C10orf53: variants seen among roughly 807,000 people sequenced by gnomAD.
C10orf53 encodes the protein chromosome 10 open reading frame 53.
Under a neutral mutation model 9.4 loss-of-function variants are expected in C10orf53, and 8 were observed. The ratio of observed to expected loss-of-function variants is 0.85; its 90% CI spans 0.50 to 1.53. C10orf53 has a LOEUF of 1.53. C10orf53 is among the 40% of genes most tolerant of loss of function. C10orf53 has a pLI of 0.00. For missense variants in C10orf53, 117 were observed against 117.8 expected (o/e 0.99, Z 0.03); for synonymous variants, 48 against 46.0 (o/e 1.04, Z -0.18).
chr10:49,681,418 C>T (rs1417255281), intron 1 of C10orf53, among the ~76,000 whole-genome samples: 1 of 152,110 alleles, frequency 6.6e-6, no homozygotes, highest in East Asian at 1.9e-4. Context: ...CAGGGAAAGC[C>T]TCCTGGAAGA....
chr10:49,681,812 G>A (rs1840481388), intron 1 of C10orf53, among the ~76,000 whole-genome samples: 2 of 152,154 alleles, frequency 1.3e-5, no homozygotes, highest in South Asian at 4.2e-4. Flanking sequence ...TATCAGATTG[G>A]GTCCTCATCC....
At chr10:49,686,864 T>C (rs1840534132) in intron 1 of C10orf53, among the ~76,000 whole-genome samples, 1 of 152,180 alleles carries the variant, frequency 6.6e-6, no homozygotes, top group African/African-American at 2.4e-5. Flanking sequence ...TTATTGCCCT[T>C]TGAAGCATGT....
At chr10:49,685,024 C>T (rs1192961528) in intron 1 of C10orf53, among the ~76,000 whole-genome samples, 3 of 152,156 alleles carry the variant, frequency 2.0e-5, no homozygotes, top group African/African-American at 7.2e-5. Flanking sequence ...AAGGGATTCT[C>T]CCCAAGACTG....
chr10:49,708,570 C>T (rs1840739583), exon 3 of C10orf53: 2 of 1,614,064 alleles, frequency 1.2e-6, no homozygotes, highest in African/African-American at 1.3e-5. Context: ...AGGCCTGGAT[C>T]ACATGCTCAT....
chr10:49,704,566 C>A (rs996136622), intron 2 of C10orf53, among the ~76,000 whole-genome samples: 1 of 152,036 alleles, frequency 6.6e-6, no homozygotes, highest in Non-Finnish European at 1.5e-5. Context: ...CATGGTGAAA[C>A]CCTGTCTCTA....
Position 49,679,792 on chromosome 10 carries a change from A to G in C10orf53, c.95A>G (p.Gln32Arg). ...EHHTFRLQGLQAVLAIDGHEV... is the reference protein window; with the variant it reads ...EHHTFRLQGLRAVLAIDGHEV... The stretch of plus-strand genomic sequence containing the variant: ...CACACCTTCCGCCTGCAGGGCCTGC[A>G]AGGTGGGCCTCCTCGCCGCGTGCGC... The change falls in exon 1 of 3, where the codon CAA becomes CGA. Residue 32 changes from glutamine (Q) to arginine (R), a missense_variant and splice_region_variant. Physicochemically the swap from Gln to Arg is conservative, Grantham distance 43. Transcript: ENST00000374111. 4 of 1,535,460 alleles carry G rather than the reference A, an allele frequency of 2.6e-6. No individual in the cohort carries two copies. The highest frequency in any genetic ancestry group is 3.5e-6 in the Non-Finnish European group (4 of 1,141,302).
At chr10:49,707,928 T>C (rs1332278664) in intron 2 of C10orf53, among the ~76,000 whole-genome samples, 1 of 152,194 alleles carries the variant, frequency 6.6e-6, no homozygotes, top group African/African-American at 2.4e-5. Flanking sequence ...TTAAAGTTTT[T>C]CTCAATTTGC....
intron 1 of C10orf53, among the ~76,000 whole-genome samples, chr10:49,688,983 C>T (rs1467317532): frequency 6.6e-6 from 1 of 152,200 alleles, no homozygotes; most frequent in Non-Finnish European, 1.5e-5. Context: ...TTCTCCCCCA[C>T]TTGGAGGCAT....
chr10:49,699,031 G>A (rs970017034), downstream of C10orf53, among the ~76,000 whole-genome samples: 3 of 152,044 alleles, frequency 2.0e-5, no homozygotes, highest in Non-Finnish European at 4.4e-5. Flanking sequence ...TGGAAATCTG[G>A]ATTTTTACTA....
At chr10:49,688,591 G>A (rs1840551693) in intron 1 of C10orf53, among the ~76,000 whole-genome samples, 1 of 151,264 alleles carries the variant, frequency 6.6e-6, no homozygotes, top group Non-Finnish European at 1.5e-5. Context: ...GGCTCACATG[G>A]CCCTCTAGGC....
At chr10:49,691,998 G>A (rs1840589548) in intron 1 of C10orf53, among the ~76,000 whole-genome samples, 1 of 152,216 alleles carries the variant, frequency 6.6e-6, no homozygotes, top group Admixed American at 6.5e-5. Context: ...CATCCTCCAG[G>A]AGTGTCTTCA....
rs879760514 is a variant in C10orf53 at position 49,696,044 on chromosome 10, T to A, written c.*1442T>A. Reference sequence around the variant, plus strand: ...TAAAGTACAACTTTAGTAACATTTTTATATATTTCAATTTGGGTTTCTTCT... The same window carrying A: ...TAAAGTACAACTTTAGTAACATTTTAATATATTTCAATTTGGGTTTCTTCT... On this transcript the variant is annotated 3_prime_UTR_variant, in exon 3 of 3. Transcript: ENST00000374111. 2 of 152,230 alleles carry A rather than the reference T, an allele frequency of 1.3e-5. No individual in the cohort carries two copies. The highest frequency in any genetic ancestry group is 1.5e-5 in the Non-Finnish European group (1 of 68,036). The allele number at this position is 152,230 out of a possible 1,614,324, so 9.4% of individuals were successfully genotyped here.
intron 1 of C10orf53, among the ~76,000 whole-genome samples, chr10:49,681,973 G>A (rs1003810254): frequency 1.3e-5 from 2 of 152,092 alleles, no homozygotes; most frequent in African/African-American, 4.8e-5. Context: ...TGTAGTTTTG[G>A]CTAAGAAGAC....
rs1188995900 is a variant in C10orf53 at position 49,696,913 on chromosome 10, C to T, written c.*2311C>T. Among the ~76,000 whole-genome samples, 2 of 152,130 alleles carry T rather than the reference C, an allele frequency of 1.3e-5. No homozygotes were observed. Among genetic ancestry groups the T allele is most frequent in the African/African-American group, 2.4e-5 (1 of 41,422 alleles). ...TCAGATAAAAACTTAAAATCAGGGC[C>T]GGGCACTATGGCTTTTGCCTGTAAT... On this transcript the variant is annotated 3_prime_UTR_variant, in exon 3 of 3. Coordinates refer to ENST00000374111, the MANE Select transcript of C10orf53 (RefSeq NM_001042427.3).
exon 3 of C10orf53, chr10:49,708,706 A>T (rs1290740175): frequency 3.3e-6 from 5 of 1,533,624 alleles, no homozygotes; most frequent in Non-Finnish European, 4.4e-6. Flanking sequence ...ATAGATGCTG[A>T]GTCCCCCAAA....
At chr10:49,708,420 C>G in exon 3 of C10orf53, 1 of 1,614,144 alleles carries the variant, frequency 6.2e-7, no homozygotes, top group Non-Finnish European at 8.5e-7. Flanking sequence ...GACATTTCAC[C>G]AGCTTAGCAG....
At chr10:49,681,161 A>T (rs1396681053) in intron 1 of C10orf53, among the ~76,000 whole-genome samples, 1 of 152,184 alleles carries the variant, frequency 6.6e-6, no homozygotes, top group African/African-American at 2.4e-5. Context: ...CATCTGAATT[A>T]AGCTTCATGT....
intron 1 of C10orf53, among the ~76,000 whole-genome samples, chr10:49,690,544 G>T (rs1840573431): frequency 6.6e-6 from 1 of 152,136 alleles, no homozygotes; most frequent in Admixed American, 6.5e-5. Flanking sequence ...GAAAATTTTT[G>T]TTCTTTCTTT....
exon 3 of C10orf53, chr10:49,708,817 A>C: frequency 2.8e-6 from 2 of 706,164 alleles, no homozygotes; most frequent in South Asian, 3.9e-5. Flanking sequence ...AGTCTCTACA[A>C]CTGTATTCCC....
Sources: gnomAD v4.1 joint callset for allele counts (sites outside exome capture counted in the v4.1 genomes callset) on GRCh38, gnomAD v4.1.1 for gene constraint, MANE v1.5 for transcripts, NCBI Gene and HGNC (gene_info 2026-07-23, HGNC 2026-07-21) for gene names.